HAX1: variants seen among roughly 807,000 people sequenced by gnomAD.
The protein encoded by HAX1 is HCLS1 associated protein X-1.
Under a neutral mutation model 31.1 loss-of-function variants are expected in HAX1, and 27 were observed. The observed-to-expected ratio is 0.87, with a 90% CI of 0.64 to 1.20. HAX1 has a LOEUF of 1.20. Ranked by LOEUF, HAX1 falls within the 50% of genes most tolerant of loss-of-function variation. The pLI, the probability that HAX1 is intolerant of heterozygous loss-of-function variation, is 0.00. For missense variants in HAX1, 357 were observed against 361.6 expected (o/e 0.99, Z 0.10); for synonymous variants, 114 against 124.1 (o/e 0.92, Z 0.54).
At chr1:154,273,706 G>T (rs1199613964) in intron 2 of HAX1, 68 bp from the exon 3 acceptor site, 6 of 1,599,020 alleles carry the variant, frequency 3.8e-6, no homozygotes, top group Non-Finnish European at 5.1e-6. Context: ...GAAGACTGAT[G>T]ATTTCAGAGA....
At chr1:154,273,260 A>G in intron 1 of HAX1, 76 bp from the exon 2 acceptor site, 3 of 1,598,736 alleles carry the variant, frequency 1.9e-6, no homozygotes, top group Non-Finnish European at 2.6e-6. Context: ...CTCTTGTCCC[A>G]CTTTGCCACC....
rs369597616 is a variant in HAX1, at chr1:154,275,121, C to T, written c.557-33C>T. 9.9e-6 allele frequency: 15 copies of T among 1,511,404 alleles called. No homozygotes were observed. In the African/African-American group the frequency reaches 1.9e-4, roughly 19 times the overall value. 93.6% of individuals were successfully genotyped at this position (1,511,404 alleles called of 1,614,324 possible). The stretch of plus-strand genomic sequence containing the variant: ...TCTCCTTTTTTCCTTTGGACTCTTT[C>T]TCTCCTGCTTCTTCATCTCTCTGCT... On this transcript the variant is annotated intron_variant, in intron 4 of 6. Coordinates refer to ENST00000328703, the MANE Select transcript of HAX1 (RefSeq NM_006118.4).
In HAX1 at chr1:154,273,437, A is replaced by G; in HGVS notation, c.155A>G (p.His52Arg). 1.2e-6 allele frequency: 2 copies of G among 1,614,212 alleles called. No individual in the cohort carries two copies. Among genetic ancestry groups the G allele is most frequent in the Non-Finnish European group, 1.7e-6 (2 of 1,180,050 alleles). ...TGGGGCCGTGGGAACCCAAGGTTCC[A>G]TAGTCCTCAGCACCCCCCTGAGGAA... ...GSWGRGNPRF[H>R]SPQHPPEEFG... Residue 52 changes from histidine to arginine, a missense_variant, in exon 2 of 7, where the codon CAT (histidine) becomes CGT (arginine). His to Arg is a conservative substitution (Grantham distance 29). Coordinates refer to ENST00000328703, the MANE Select transcript of HAX1 (RefSeq NM_006118.4).
At chr1:154,272,837 G>A (rs1684821657) in intron 1 of HAX1, 61 bp downstream of exon 1, 2 of 1,478,522 alleles carry the variant, frequency 1.4e-6, no homozygotes, top group South Asian at 1.1e-5. Flanking sequence ...TGACCCCTAC[G>A]TCTTATTTTT....
chr1:154,274,860 G>A, intron 3 of HAX1, 90 bp from the exon 4 acceptor site: 4 of 873,142 alleles, frequency 4.6e-6, no homozygotes, highest in Non-Finnish European at 5.8e-6. Context: ...GTGGAAGGGG[G>A]TTTTGGAGCT....
chr1:154,274,261 T>C (rs1684887857), intron 3 of HAX1, among the ~76,000 whole-genome samples: 2 of 151,832 alleles, frequency 1.3e-5, no homozygotes, highest in African/African-American at 4.8e-5. Flanking sequence ...TCTCAAAAAT[T>C]GTTTGAGACC....
chr1:154,273,330 T>A lies in HAX1; in HGVS notation c.54-6T>A. On this transcript the variant is annotated splice_region_variant and splice_polypyrimidine_tract_variant and intron_variant, in intron 1 of 6. Transcript: ENST00000328703. Reference sequence around the variant, plus strand: ...ATATTGGTGGCCAATCTGCCTCCACTCTCAGCCACAGAGATCCCTTTTTTG... The same window carrying A: ...ATATTGGTGGCCAATCTGCCTCCACACTCAGCCACAGAGATCCCTTTTTTG... 1 of 1,613,876 alleles carries A rather than the reference T, an allele frequency of 6.2e-7. No individual in the cohort carries two copies.
chr1:154,275,022 A>G (rs1219585793), intron 4 of HAX1, 21 bp downstream of exon 4: 6 of 1,592,814 alleles, frequency 3.8e-6, no homozygotes, highest in Non-Finnish European at 4.3e-6. Context: ...AGGAAGGGGA[A>G]GTTTACCAGC....
chr1:154,274,823 G>C, intron 3 of HAX1, 127 bp from the exon 4 acceptor site: 3 of 733,108 alleles, frequency 4.1e-6, no homozygotes, highest in Non-Finnish European at 7.5e-6. Flanking sequence ...TGTAAATAAG[G>C]CTATTCTGAA....
At position 154,275,606 on chromosome 1, in the gene HAX1, T is replaced by C; in HGVS notation, c.755-10T>C. 6.2e-7 allele frequency: 1 copy of C among 1,610,522 alleles called. No individual in the cohort carries two copies. The highest frequency in any genetic ancestry group is 8.5e-7 in the Non-Finnish European group (1 of 1,176,646). On this transcript the variant is annotated splice_polypyrimidine_tract_variant and intron_variant, in intron 6 of 6. Transcript: ENST00000328703. Reference sequence around the variant, plus strand: ...TTTAGCCTATTTACGTGTATGACTTTCTTCCTTAGATCCAGAATCACCAAG... The same window carrying C: ...TTTAGCCTATTTACGTGTATGACTTCCTTCCTTAGATCCAGAATCACCAAG...
intron 2 of HAX1, 39 bp downstream of exon 2, chr1:154,273,637 G>A (rs759118197): frequency 6.2e-7 from 1 of 1,607,930 alleles, no homozygotes; most frequent in Non-Finnish European, 8.5e-7. Context: ...GTGGTTTCTG[G>A]TGGGTTGGTG....
At position 154,273,819 on chromosome 1, in the gene HAX1, AGGGACAGACACTTC is replaced by A. The variant is rs1425877227; in HGVS notation, c.368_381del (p.Gln123LeufsTer4). On this transcript the variant is annotated frameshift_variant, in exon 3 of 7. Coordinates refer to ENST00000328703, the MANE Select transcript of HAX1 (RefSeq NM_006118.4). LOFTEE classifies it high-confidence loss of function. Reference sequence around the variant, plus strand: ...GAGACACCTGGTGAGAGACTACGGGAGGGACAGACACTTCGGGACTCAATGCTTAAGTATCCAGA... The same window carrying A: ...GAGACACCTGGTGAGAGACTACGGGAGGGACTCAATGCTTAAGTATCCAGA... 6.2e-7 allele frequency: 1 copy of A among 1,614,070 alleles called. No individual in the cohort carries two copies. Among genetic ancestry groups the A allele is most frequent in the East Asian group, 2.2e-5 (1 of 44,880 alleles).
chr1:154,275,567 C>T, intron 6 of HAX1, 49 bp from the exon 7 acceptor site: 1 of 1,575,706 alleles, frequency 6.3e-7, no homozygotes, highest in Non-Finnish European at 8.7e-7. Flanking sequence ...TTTGCTTCTG[C>T]CTAGTCTCTT....
rs1272296668 is a variant in HAX1, at chr1:154,273,394, G to C, written c.112G>C (p.Glu38Gln). 1 of 1,614,096 alleles carries C rather than the reference G, an allele frequency of 6.2e-7. No individual in the cohort carries two copies. Among genetic ancestry groups the C allele is most frequent in the Non-Finnish European group, 8.5e-7 (1 of 1,180,002 alleles). ...TRDEDDDEEE[E>Q]EEGGSWGRGN... ...AGATGAAGATGATGATGAGGAAGAAGAAGAAGAAGGGGGCTCATGGGGCCG... is the reference window on the plus strand; with the variant it reads ...AGATGAAGATGATGATGAGGAAGAACAAGAAGAAGGGGGCTCATGGGGCCG... Residue 38 changes from glutamate (E) to glutamine (Q), a missense_variant, in exon 2 of 7, where the codon GAA (glutamate) becomes CAA (glutamine). Physicochemically the swap from Glu to Gln is conservative, Grantham distance 29. Transcript: ENST00000328703.
chr1:154,272,805 T>TG, intron 1 of HAX1, 29 bp downstream of exon 1: 1 of 1,607,772 alleles, frequency 6.2e-7, no homozygotes, highest in Non-Finnish European at 8.5e-7. Flanking sequence ...CGGACAAGGG[T>TG]GGGGGTCGTC....
In HAX1 at chr1:154,273,570, G is replaced by T. The variant is rs750516773; in HGVS notation, c.288G>T (p.Gly96=). The T allele has an allele frequency of 6.2e-7, 1 of 1,614,150 alleles. No individual in the cohort carries two copies. The highest frequency in any genetic ancestry group is 1.1e-5 in the South Asian group (1 of 91,084). ...TCAATAGCATCTTCAGCGATATGGGGGCCTGGACCTTGCCTTCCCATCCTC... is the reference window on the plus strand; with the variant it reads ...TCAATAGCATCTTCAGCGATATGGGTGCCTGGACCTTGCCTTCCCATCCTC... ...RDFNSIFSDM[G]AWTLPSHPPE... is the part of the protein sequence containing the mutation. The change falls in exon 2 of 7, where the codon GGG becomes GGT. Residue 96 remains glycine, a synonymous_variant. Transcript: ENST00000328703.
chr1:154,273,823 A>G lies in HAX1; in HGVS notation c.366A>G (p.Gly122=). ...CACCTGGTGAGAGACTACGGGAGGG[A>G]CAGACACTTCGGGACTCAATGCTTA... ...SETPGERLRE[G]QTLRDSMLKY... is the part of the protein sequence containing the mutation. Residue 122 remains glycine, a synonymous_variant, in exon 3 of 7, where the codon GGA becomes GGG. Coordinates refer to ENST00000328703, the MANE Select transcript of HAX1 (RefSeq NM_006118.4). 1 of 1,614,116 alleles carries G rather than the reference A, an allele frequency of 6.2e-7. No homozygotes were observed. Among genetic ancestry groups the G allele is most frequent in the Non-Finnish European group, 8.5e-7 (1 of 1,180,008 alleles).
In HAX1 at chr1:154,273,769, T is replaced by C; in HGVS notation, c.317-5T>C. The C allele has an allele frequency of 1.2e-6, 2 of 1,614,154 alleles. No individual in the cohort carries two copies. The highest frequency in any genetic ancestry group is 1.7e-6 in the Non-Finnish European group (2 of 1,180,018). On this transcript the variant is annotated splice_polypyrimidine_tract_variant and splice_region_variant and intron_variant, in intron 2 of 6. Transcript: ENST00000328703. ...TCCCAGCAAACACCTGCCACCTTTC[T>C]GCAGAACTTCCAGGTCCTGAGTCAG...
At chr1:154,273,070 A>G (rs1684835034) in intron 1 of HAX1, 4 of 586,266 alleles carry the variant, frequency 6.8e-6, no homozygotes, top group Non-Finnish European at 1.2e-5. Context: ...CTTGGGAGAG[A>G]GAGGAGGGAC....
Sources: gnomAD v4.1 joint callset for allele counts (sites outside exome capture counted in the v4.1 genomes callset) on GRCh38, gnomAD v4.1.1 for gene constraint, MANE v1.5 for transcripts, NCBI Gene and HGNC (gene_info 2026-07-23, HGNC 2026-07-21) for gene names.